PATJ: variants seen among roughly 807,000 people sequenced by gnomAD.
PATJ encodes inaD-like protein.
A neutral mutation model predicts 224.9 loss-of-function variants in PATJ; 190 were observed. The observed-to-expected ratio is 0.84, with a 90% confidence interval of 0.75 to 0.95. PATJ has a LOEUF of 0.95. Among genes scored for constraint, PATJ ranks in the 40% least tolerant of loss-of-function variants. The probability of loss-of-function intolerance (pLI) is 0.00; values close to 1 mark genes in which losing one functional copy is unlikely to be tolerated. For missense variants in PATJ, 2,121 were observed against 2,270.3 expected, an observed-to-expected ratio of 0.93 and a Z score of 1.34; for synonymous variants, 769 against 820.3, an observed-to-expected ratio of 0.94 and a Z score of 1.07.
intron 41 of PATJ, among the ~76,000 whole-genome samples, chr1:62,132,731 C>T (rs1292007835): frequency 1.3e-5 from 2 of 151,742 alleles, no homozygotes; most frequent in Non-Finnish European, 2.9e-5. Flanking sequence ...GGTGAGACCC[C>T]GTCTCTACAA....
At chr1:61,827,666 A>C in intron 16 of PATJ, 83 bp downstream of exon 16, 2 of 1,312,920 alleles carry the variant, frequency 1.5e-6, no homozygotes, top group Non-Finnish European at 2.1e-6. Context: ...ATAAGAAGGG[A>C]GGGGAAACCA....
intron 13 of PATJ, among the ~76,000 whole-genome samples, chr1:61,806,346 G>A (rs974542285): frequency 5.3e-5 from 8 of 152,136 alleles, no homozygotes; most frequent in Non-Finnish European, 8.8e-5. Flanking sequence ...AAGGCCGGGC[G>A]CGGTGGCTCA....
At chr1:61,847,067 A>G (rs1267039867) in intron 17 of PATJ, among the ~76,000 whole-genome samples, 1 of 152,234 alleles carries the variant, frequency 6.6e-6, no homozygotes, top group African/African-American at 2.4e-5. Flanking sequence ...CCATGTAAAC[A>G]ATTCCAGCAT....
At position 61,861,284 on chromosome 1, in the gene PATJ, C is replaced by CTTTTTTTTTTTTTTT; in HGVS notation, c.2323-258_2323-244dup. Among the ~76,000 whole-genome samples, 348 of 48,762 alleles carry CTTTTTTTTTTTTTTT rather than the reference C, an allele frequency of 7.1e-3. 26 individuals carry two copies. Among genetic ancestry groups the CTTTTTTTTTTTTTTT allele is most frequent in the East Asian group, 0.02 (13 of 660 alleles). The allele number at this position is 48,762 out of a possible 152,430, so 32.0% of individuals were successfully genotyped here. On this transcript the variant is annotated intron_variant, in intron 18 of 43. Transcript: ENST00000642238. ...TGAAACCAGGATATTTTCTTTCTTT[C>CTTTTTTTTTTTTTTT]TTTTTTTTTTTTTTTTTTTTTTTAC...
intron 30 of PATJ, among the ~76,000 whole-genome samples, chr1:62,042,052 A>C (rs1651595720): frequency 1.3e-5 from 2 of 152,190 alleles, no homozygotes. Context: ...TATGTAAAAA[A>C]TATGTAAAGT....
At chr1:61,775,715 A>G (rs1296575803) in intron 7 of PATJ, among the ~76,000 whole-genome samples, 1 of 152,206 alleles carries the variant, frequency 6.6e-6, no homozygotes, top group Non-Finnish European at 1.5e-5. Context: ...ATTTGTCCCA[A>G]TATTATACAT....
chr1:61,879,842 TTTTC>T (rs1667846021), intron 21 of PATJ, among the ~76,000 whole-genome samples: 1 of 151,008 alleles, frequency 6.6e-6, no homozygotes, highest in African/African-American at 2.4e-5. Flanking sequence ...TATTTTTTTT[TTTTC>T]TTTTTCTTTT....
At chr1:61,903,416 G>A (rs1184700675) in intron 24 of PATJ, among the ~76,000 whole-genome samples, 4 of 152,168 alleles carry the variant, frequency 2.6e-5, no homozygotes, top group African/African-American at 7.2e-5. Flanking sequence ...ACTGTGGGAG[G>A]AACAGATTTG....
chr1:62,051,493 A>ATT (rs1211674364), intron 31 of PATJ, among the ~76,000 whole-genome samples: 1 of 152,002 alleles, frequency 6.6e-6, no homozygotes, highest in African/African-American at 2.4e-5. Flanking sequence ...TGCCCAGCTA[A>ATT]TTTTTATATT....
At chr1:62,104,025 T>A (rs1240067422) in intron 33 of PATJ, among the ~76,000 whole-genome samples, 2 of 152,134 alleles carry the variant, frequency 1.3e-5, no homozygotes, top group African/African-American at 4.8e-5. Context: ...GTGGGTTGAT[T>A]AATGGACTGC....
intron 29 of PATJ, among the ~76,000 whole-genome samples, chr1:62,036,449 TGG>T (rs1417661090): frequency 6.6e-6 from 1 of 152,144 alleles, no homozygotes; most frequent in East Asian, 1.9e-4. Flanking sequence ...GAATTGGCTG[TGG>T]AACCATATGG....
intron 8 of PATJ, among the ~76,000 whole-genome samples, chr1:61,790,422 ATAGT>A (rs1457706726): frequency 4.6e-5 from 7 of 151,704 alleles, no homozygotes; most frequent in East Asian, 1.9e-4. Context: ...TTGTTAGTTC[ATAGT>A]TAGTTCACAG....
intron 4 of PATJ, among the ~76,000 whole-genome samples, chr1:61,767,547 T>A (rs986518482): frequency 5.3e-5 from 8 of 151,994 alleles, no homozygotes; most frequent in East Asian, 1.9e-4. Context: ...TCTTAAAAAA[T>A]AAATAAATAA....
intron 41 of PATJ, among the ~76,000 whole-genome samples, chr1:62,133,745 C>CTTTTT (rs113938436): frequency 8.3e-6 from 1 of 121,190 alleles, no homozygotes. Flanking sequence ...CAAGAATTTG[C>CTTTTT]TTTTTTTTTT....
intron 1 of PATJ, among the ~76,000 whole-genome samples, chr1:61,754,315 G>C (rs924701971): frequency 6.6e-6 from 1 of 152,174 alleles, no homozygotes; most frequent in Non-Finnish European, 1.5e-5. Flanking sequence ...CCCTGAGTGA[G>C]ACATAGGTTC....
At chr1:61,800,976 T>C (rs904388032) in intron 11 of PATJ, among the ~76,000 whole-genome samples, 1 of 152,232 alleles carries the variant, frequency 6.6e-6, no homozygotes, top group Non-Finnish European at 1.5e-5. Flanking sequence ...ATCCAGTCTA[T>C]CACTGATAGA....
At chr1:61,820,441 C>T (rs1164063267) in intron 14 of PATJ, among the ~76,000 whole-genome samples, 2 of 152,130 alleles carry the variant, frequency 1.3e-5, no homozygotes, top group South Asian at 2.1e-4. Context: ...CTCCTGGGCT[C>T]AAGCGATTCT....
chr1:62,125,236 C>CAAAAA (rs761278812), intron 39 of PATJ, among the ~76,000 whole-genome samples: 909 of 27,668 alleles, frequency 0.033, 84 homozygotes, highest in East Asian at 0.15. Context: ...AACCCTGTCT[C>CAAAAA]AAAAAAAAAA....
At chr1:62,013,958 G>A (rs559875544) in intron 28 of PATJ, among the ~76,000 whole-genome samples, 32 of 152,284 alleles carry the variant, frequency 2.1e-4, no homozygotes, top group African/African-American at 7.7e-4. Flanking sequence ...ATTTTTAGTA[G>A]AGACAGGGTT....
Sources: allele counts gnomAD v4.1 joint callset (sites outside exome capture counted in the v4.1 genomes callset), GRCh38; gene constraint gnomAD v4.1.1; transcripts MANE v1.5; gene names NCBI Gene and HGNC (gene_info 2026-07-23, HGNC 2026-07-21).